Variants in CAPN12 observed in about 807,000 individuals in gnomAD.
CAPN12 encodes the protein calpain-12.
In CAPN12, 107 loss-of-function variants were observed where a neutral mutation model predicts 95.0. That is an observed-to-expected ratio of 1.13 (90% CI 0.96 to 1.32). The LOEUF (loss-of-function observed/expected upper bound fraction) is 1.32, where lower values mean the gene tolerates loss of function less well. CAPN12 is among the 40% of genes most tolerant of loss of function. The pLI is 0.00. For missense variants in CAPN12, 1,136 were observed against 997.8 expected, an observed-to-expected ratio of 1.14 and a Z score of -1.87; for synonymous variants, 505 against 415.5, an observed-to-expected ratio of 1.22 and a Z score of -2.62.
At chr19:38,743,161 A>G in intron 1 of CAPN12, 59 bp from the exon 2 acceptor site, 1 of 1,599,568 alleles carries the variant, frequency 6.3e-7, no homozygotes, top group South Asian at 1.1e-5. Context: ...GGTCTCATCC[A>G]GAGGAGTGAG....
chr19:38,743,999 T>C lies in CAPN12; in HGVS notation c.167A>G (p.Asp56Gly). The C allele has an allele frequency of 6.2e-7, 1 of 1,614,220 alleles. No individual in the cohort carries two copies. Among genetic ancestry groups the C allele is most frequent in the Non-Finnish European group, 8.5e-7 (1 of 1,180,036 alleles). Residue 56 changes from aspartate to glycine, a missense_variant, in exon 1 of 21, where the codon GAT becomes GGT. Asp to Gly is a moderately conservative substitution (Grantham distance 94, BLOSUM62 -1). Transcript: ENST00000328867. Reference sequence around the variant, plus strand: ...CCCCAGCTGGTCATAGCCAAGGGCATCAGGGCCAGCAGGGAAGTAAGGGTC... The same window carrying C: ...CCCCAGCTGGTCATAGCCAAGGGCACCAGGGCCAGCAGGGAAGTAAGGGTC... Reference protein sequence around the residue: ...FRDPYFPAGPDALGYDQLGPD... With the variant: ...FRDPYFPAGPGALGYDQLGPD...
chr19:38,736,403 C>T, intron 11 of CAPN12, 85 bp from the exon 12 acceptor site: 2 of 1,508,744 alleles, frequency 1.3e-6, no homozygotes, highest in Non-Finnish European at 1.8e-6. Flanking sequence ...GTCCACCCTG[C>T]CTAACCCCTG....
rs1362535873 is a variant in CAPN12, at chr19:38,736,232, G to T, written c.1461C>A (p.Arg487=). The part of the protein sequence containing the change: ...RADRSPLSAR[R]DVTRRCCLRP... ...GCAGGCAGCAGCGGCGGGTCACGTC[G>T]CGGCGGGCGCTGAGGGGCGAGCGGT... The change falls in exon 12 of 21, where the codon CGC becomes CGA. Residue 487 remains arginine, a synonymous_variant. Transcript: ENST00000328867. 5.4e-6 allele frequency: 8 copies of T among 1,495,116 alleles called. No homozygotes were observed. The highest frequency in any genetic ancestry group is 2.7e-6 in the Non-Finnish European group (3 of 1,128,398). The allele number at this position is 1,495,116 out of a possible 1,614,324, so 92.6% of individuals were successfully genotyped here.
Position 38,744,255 on chromosome 19 carries a change from G to T in CAPN12, c.-90C>A. On this transcript the variant is annotated 5_prime_UTR_variant, in exon 1 of 21. Coordinates refer to ENST00000328867, the MANE Select transcript of CAPN12 (RefSeq NM_144691.4). ...TCTCTTCCATTGGAGCCCCAGTGGG[G>T]TCTTTAGGCAATGAGGAGCCTTCCC... The T allele has an allele frequency of 8.2e-7, 1 of 1,220,926 alleles. No homozygotes were observed. Among genetic ancestry groups the T allele is most frequent in the Non-Finnish European group, 1.2e-6 (1 of 837,994 alleles). 75.6% of individuals were successfully genotyped at this position (1,220,926 alleles called of 1,614,324 possible).
intron 16 of CAPN12, 46 bp downstream of exon 16, chr19:38,734,272 TC>T: frequency 6.2e-7 from 1 of 1,603,304 alleles, no homozygotes; most frequent in African/African-American, 1.3e-5. Flanking sequence ...GACCCCAACG[TC>T]CCCTTCCCCA....
chr19:38,744,246 C>T lies in CAPN12; in HGVS notation c.-81G>A. 2 of 1,307,526 alleles carry T rather than the reference C, an allele frequency of 1.5e-6. No homozygotes were observed. Among genetic ancestry groups the T allele is most frequent in the Non-Finnish European group, 2.2e-6 (2 of 912,994 alleles). 81.0% of individuals were successfully genotyped at this position (1,307,526 alleles called of 1,614,324 possible). A position where few individuals can be genotyped will look rare whatever the true frequency, so the allele number is the denominator to read the frequency against. On this transcript the variant is annotated 5_prime_UTR_variant, in exon 1 of 21. Transcript: ENST00000328867. Reference sequence around the variant, plus strand: ...GGCGGGGCCTCTCTTCCATTGGAGCCCCAGTGGGGTCTTTAGGCAATGAGG... The same window carrying T: ...GGCGGGGCCTCTCTTCCATTGGAGCTCCAGTGGGGTCTTTAGGCAATGAGG...
intron 18 of CAPN12, chr19:38,733,350 G>A (rs578069841): frequency 3.7e-4 from 88 of 237,548 alleles, no homozygotes; most frequent in Non-Finnish European, 5.8e-4. Flanking sequence ...TTCCAACCCC[G>A]GTGCACCAGA....
At chr19:38,735,333 C>T in intron 14 of CAPN12, 37 bp downstream of exon 14, 1 of 1,517,222 alleles carries the variant, frequency 6.6e-7, no homozygotes, top group Non-Finnish European at 8.9e-7. Flanking sequence ...GGGGAGGCCG[C>T]AGCGGGATAC....
chr19:38,743,585 C>A (rs150298732), intron 1 of CAPN12, among the ~76,000 whole-genome samples: 5,213 of 97,452 alleles, frequency 0.053, 390 homozygotes, highest in South Asian at 0.08. Flanking sequence ...GAGTCCAGGT[C>A]CCCAGCCCCC....
Position 38,734,772 on chromosome 19 carries a change from G to A in CAPN12, c.1744+41C>T, listed in dbSNP as rs530344702. 3.6e-5 allele frequency: 58 copies of A among 1,594,430 alleles called. No individual in the cohort carries two copies. In the African/African-American group the frequency reaches 5.0e-4, roughly 14 times the overall value. Reference sequence around the variant, plus strand: ...CACCGGCTCTGGTTGCAGGACCCCTGGCTAAGACCCCTCCTCCTGCCCCTA... The same window carrying A: ...CACCGGCTCTGGTTGCAGGACCCCTAGCTAAGACCCCTCCTCCTGCCCCTA... On this transcript the variant is annotated intron_variant, in intron 15 of 20. Coordinates refer to ENST00000328867, the MANE Select transcript of CAPN12 (RefSeq NM_144691.4).
chr19:38,730,955 C>G lies in CAPN12; in HGVS notation c.2133+10G>C. 1 of 1,550,590 alleles carries G rather than the reference C, an allele frequency of 6.4e-7. No individual in the cohort carries two copies. The stretch of plus-strand genomic sequence containing the variant: ...AGCCTGAGCCACCCTGTCCCTCCCA[C>G]CTGGCTCACCTGTCTGTGGGTCAGG... On this transcript the variant is annotated intron_variant, in intron 20 of 20. Transcript: ENST00000328867.
At position 38,740,033 on chromosome 19, in the gene CAPN12, C is replaced by T. The variant is rs200001276; in HGVS notation, c.729+18G>A. 10 of 1,539,276 alleles carry T rather than the reference C, an allele frequency of 6.5e-6. No homozygotes were observed. Among genetic ancestry groups the T allele is most frequent in the Admixed American group, 1.9e-5 (1 of 51,456 alleles). On this transcript the variant is annotated intron_variant, in intron 5 of 20. Transcript: ENST00000328867. ...CTGGTCCTGGTGGGGGTTCCGCATG[C>T]GAGTCCAGGTCTCTTACCAGGGCAG... is the stretch of plus-strand genomic sequence containing the variant.
intron 9 of CAPN12, 29 bp from the exon 10 acceptor site, chr19:38,737,417 C>T (rs1312788963): frequency 6.2e-7 from 1 of 1,609,572 alleles, no homozygotes; most frequent in Non-Finnish European, 8.5e-7. Context: ...AGGGGGTTTC[C>T]TAGCCGGCCA....
chr19:38,730,816 C>T lies in CAPN12; in HGVS notation c.*36G>A, dbSNP rs563718915. On this transcript the variant is annotated 3_prime_UTR_variant, in exon 21 of 21. Coordinates refer to ENST00000328867, the MANE Select transcript of CAPN12 (RefSeq NM_144691.4). ...TAGGGAGGTGGTCTTGCTCAGCAAC[C>T]CTGCCCTGAGCAGCAGGTGCGCCCA... The T allele has an allele frequency of 3.9e-6, 6 of 1,550,202 alleles. No individual in the cohort carries two copies. The East Asian group carries it at 1.5e-4, about 38-fold the overall frequency.
At position 38,734,874 on chromosome 19, in the gene CAPN12, G is replaced by A. The variant is rs1599892972; in HGVS notation, c.1687-4C>T. 3.1e-6 allele frequency: 5 copies of A among 1,612,572 alleles called. No individual in the cohort carries two copies. The highest frequency in any genetic ancestry group is 4.2e-6 in the Non-Finnish European group (5 of 1,179,774). ...GAGAGGCATTGAGTTCTTCCTCCTA[G>A]TCCAGGAAAGAGGGCTTGTGAGGCC... On this transcript the variant is annotated splice_region_variant and splice_polypyrimidine_tract_variant and intron_variant, in intron 14 of 20. Transcript: ENST00000328867.
chr19:38,735,521 G>A lies in CAPN12; in HGVS notation c.1607C>T (p.Ala536Val), dbSNP rs375924975. 8 of 1,610,872 alleles carry A rather than the reference G, an allele frequency of 5.0e-6. No homozygotes were observed. Among genetic ancestry groups the A allele is most frequent in the Admixed American group, 3.3e-5 (2 of 59,884 alleles). Residue 536 changes from alanine (A) to valine (V), a missense_variant, in exon 13 of 21, where the codon GCA becomes GTA. Coordinates refer to ENST00000328867, the MANE Select transcript of CAPN12 (RefSeq NM_144691.4). ...TAVEIDDVISADLQSLQGPYL... is the reference protein window; with the variant it reads ...TAVEIDDVISVDLQSLQGPYL... ...CCCCACCTGGAGAGACTGCAGGTCT[G>A]CGCTGATCACGTCGTCGATCTCCCT... is the stretch of plus-strand genomic sequence containing the variant.
rs143345899 is a variant in CAPN12, at chr19:38,731,182, G to A, written c.1999C>T (p.Arg667Cys). The change falls in exon 19 of 21, where the codon CGC becomes TGC. Residue 667 changes from arginine (R) to cysteine (C), a missense_variant. Physicochemically the swap from Arg to Cys is radical, Grantham distance 180. Transcript: ENST00000328867. ...ACACGCAGACGGCTATCCCGGTAGC[G>A]GCTGGTGAGGGTCTGGGTCAGCTGG... ...NNQLTQTLTS[R>C]YRDSRLRVDF... 2,738 of 1,612,968 alleles carry A rather than the reference G, an allele frequency of 1.7e-3. 6 individuals carry two copies. The highest frequency in any genetic ancestry group is 1.8e-3 in the Non-Finnish European group (2,131 of 1,179,996).
rs1400604030 is a variant in CAPN12, at chr19:38,734,302, C to T, written c.1815+17G>A. 1.9e-6 allele frequency: 3 copies of T among 1,604,524 alleles called. No homozygotes were observed. The highest frequency in any genetic ancestry group is 2.6e-6 in the Non-Finnish European group (3 of 1,174,832). Reference sequence around the variant, plus strand: ...TTCCCCACTCCCTCCCTCACCCAGGCACTGCCCCCCATGTACCCCGAAACA... The same window carrying T: ...TTCCCCACTCCCTCCCTCACCCAGGTACTGCCCCCCATGTACCCCGAAACA... On this transcript the variant is annotated intron_variant, in intron 16 of 20. Transcript: ENST00000328867.
Position 38,737,256 on chromosome 19 carries a change from G to A in CAPN12, c.1262C>T (p.Thr421Met), listed in dbSNP as rs376929093. The change falls in exon 10 of 21, where the codon ACG becomes ATG. Residue 421 changes from threonine (T) to methionine (M), a missense_variant. Coordinates refer to ENST00000328867, the MANE Select transcript of CAPN12 (RefSeq NM_144691.4). ...GGACAGAAGGACCGTGCACTTGGGC[G>A]TGCGGCCCCCCCGCGCTGGGCCCCG... is the stretch of plus-strand genomic sequence containing the variant. ...GARGPARGGR[T>M]PKCTVLLSLI... is the part of the protein sequence containing the mutation. 1.2e-5 allele frequency: 19 copies of A among 1,549,098 alleles called. No homozygotes were observed. Among genetic ancestry groups the A allele is most frequent in the Middle Eastern group, 2.1e-4 (1 of 4,754 alleles).
Sources: gnomAD v4.1 joint callset for allele counts (sites outside exome capture counted in the v4.1 genomes callset) on GRCh38, gnomAD v4.1.1 for gene constraint, MANE v1.5 for transcripts, NCBI Gene and HGNC (gene_info 2026-07-23, HGNC 2026-07-21) for gene names.